SCD5: variants seen among roughly 807,000 people sequenced by gnomAD.
SCD5 encodes acyl-CoA-desaturase 4.
SCD5 carries 20 observed loss-of-function variants against 30.4 expected under a neutral mutation model. The observed-to-expected ratio is 0.66, with a 90% confidence interval of 0.46 to 0.96. SCD5 has a LOEUF of 0.96. Ranked by LOEUF, SCD5 falls within the 40% of genes least tolerant of loss-of-function variation. The pLI is 0.00. For synonymous variants in SCD5, 173 were observed against 176.4 expected (o/e 0.98, Z 0.16); for missense variants, 381 against 443.3 (o/e 0.86, Z 1.26).
At chr4:82,745,638 T>C (rs768554703) in intron 1 of SCD5, among the ~76,000 whole-genome samples, 2 of 152,222 alleles carry the variant, frequency 1.3e-5, no homozygotes, top group Non-Finnish European at 1.5e-5. Context: ...CCATTAGCTA[T>C]TCTTCCCAAT....
intron 4 of SCD5, among the ~76,000 whole-genome samples, chr4:82,636,070 T>C (rs561118150): frequency 1.3e-5 from 2 of 152,304 alleles, no homozygotes; most frequent in East Asian, 3.9e-4. Context: ...TGCCAGGCAC[T>C]GTACTAAGCA....
chr4:82,738,062 A>G (rs1321346934), intron 1 of SCD5, among the ~76,000 whole-genome samples: 4 of 152,234 alleles, frequency 2.6e-5, no homozygotes, highest in Admixed American at 2.6e-4. Context: ...TACTTAATAA[A>G]TGTATTCTGT....
intron 2 of SCD5, among the ~76,000 whole-genome samples, chr4:82,695,071 C>T (rs1719669948): frequency 7.3e-6 from 1 of 136,564 alleles, no homozygotes; most frequent in South Asian, 2.3e-4. Flanking sequence ...ATGTGGAGCA[C>T]TCAGCCTTTA....
At chr4:82,747,691 A>G (rs1164327364) in intron 1 of SCD5, among the ~76,000 whole-genome samples, 2 of 152,212 alleles carry the variant, frequency 1.3e-5, no homozygotes, top group Non-Finnish European at 2.9e-5. Context: ...ATAATTGCAA[A>G]CATTATGGAT....
intron 1 of SCD5, among the ~76,000 whole-genome samples, chr4:82,777,076 A>C (rs1330864034): frequency 6.6e-6 from 1 of 152,248 alleles, no homozygotes; most frequent in Non-Finnish European, 1.5e-5. Context: ...ATGGATGAGG[A>C]GCCGGAGAGC....
intron 1 of SCD5, among the ~76,000 whole-genome samples, chr4:82,773,736 G>A (rs972526782): frequency 1.3e-5 from 2 of 152,098 alleles, no homozygotes; most frequent in Non-Finnish European, 2.9e-5. Context: ...CACATTTCTA[G>A]ACATTGCCAA....
chr4:82,758,998 G>A lies in SCD5; in HGVS notation c.232+39308C>T, dbSNP rs138123171. ...ACTCAAGCCTCCGCCCCAGCGCCCC[G>A]CTGACACCGGCAACTGCTGCGCGGG... On this transcript the variant is annotated intron_variant, in intron 1 of 4. Transcript: ENST00000319540. Among the ~76,000 whole-genome samples, 20 of 152,326 alleles carry A rather than the reference G, an allele frequency of 1.3e-4. No homozygotes were observed. The East Asian group carries it at 2.9e-3, about 22-fold the overall frequency.
rs1158817477 is a variant in SCD5 at position 82,780,865 on chromosome 4, C to T, written c.232+17441G>A. Among the ~76,000 whole-genome samples the T allele has an allele frequency of 4.6e-5, 7 of 152,368 alleles. No homozygotes were observed. The East Asian group carries it at 1.4e-3, about 29-fold the overall frequency. The stretch of plus-strand genomic sequence containing the variant: ...GCTTCTCCGGGGCCTGCTGCTTCCA[C>T]AGCGTCAGGGGAGGTCCGGGCACAG... On this transcript the variant is annotated intron_variant, in intron 1 of 4. Transcript: ENST00000319540.
At chr4:82,770,925 T>G (rs1258846226) in intron 1 of SCD5, among the ~76,000 whole-genome samples, 2 of 152,224 alleles carry the variant, frequency 1.3e-5, no homozygotes, top group Non-Finnish European at 2.9e-5. Flanking sequence ...ATGGCCCCAG[T>G]AGCCCACAGT....
At chr4:82,655,658 C>A (rs1244562523) in intron 3 of SCD5, among the ~76,000 whole-genome samples, 1 of 152,076 alleles carries the variant, frequency 6.6e-6, no homozygotes, top group Non-Finnish European at 1.5e-5. Flanking sequence ...GAATAGTGAT[C>A]AAAGAGGAAG....
intron 3 of SCD5, among the ~76,000 whole-genome samples, chr4:82,670,774 A>G (rs918130053): frequency 1.3e-4 from 20 of 152,120 alleles, no homozygotes; most frequent in Admixed American, 3.3e-4. Flanking sequence ...TATCAATTCC[A>G]TATCAATTGA....
At chr4:82,789,737 T>G (rs1722061240) in intron 1 of SCD5, among the ~76,000 whole-genome samples, 1 of 152,000 alleles carries the variant, frequency 6.6e-6, no homozygotes, top group Admixed American at 6.5e-5. Flanking sequence ...GGCAGCGAGA[T>G]ATGAAGGAGG....
At chr4:82,644,879 T>C (rs993064246) in intron 3 of SCD5, among the ~76,000 whole-genome samples, 7 of 152,210 alleles carry the variant, frequency 4.6e-5, no homozygotes, top group African/African-American at 1.7e-4. Flanking sequence ...CTTCCAATTA[T>C]TGTAAAATGT....
rs1560540649 is a variant in SCD5 at position 82,712,251 on chromosome 4, T to TATATATAC, written c.233-6839_233-6838insGTATATAT. On this transcript the variant is annotated intron_variant, in intron 1 of 4. Coordinates refer to ENST00000319540, the MANE Select transcript of SCD5 (RefSeq NM_001037582.3). ...GGGGAGGGACCAACTAACATATATA[T>TATATATAC]ATATATATATATATATATATATATA... Among the ~76,000 whole-genome samples the TATATATAC allele has an allele frequency of 1.8e-4, 3 of 16,942 alleles. 1 individual carries two copies. Among genetic ancestry groups the TATATATAC allele is most frequent in the Non-Finnish European group, 3.3e-4 (3 of 9,144 alleles). The allele number at this position is 16,942 out of a possible 152,430, so 11.1% of individuals were successfully genotyped here.
At chr4:82,764,195 T>C (rs1317847467) in intron 1 of SCD5, among the ~76,000 whole-genome samples, 1 of 152,178 alleles carries the variant, frequency 6.6e-6, no homozygotes, top group Non-Finnish European at 1.5e-5. Context: ...AAATTAAAAA[T>C]TCAGTTCACG....
chr4:82,695,882 T>C (rs911834976), intron 2 of SCD5, among the ~76,000 whole-genome samples: 2 of 152,226 alleles, frequency 1.3e-5, no homozygotes, highest in African/African-American at 4.8e-5. Flanking sequence ...CTAGCCCATA[T>C]TCAAATTTCT....
At chr4:82,713,617 C>A (rs1319462670) in intron 1 of SCD5, among the ~76,000 whole-genome samples, 1 of 152,134 alleles carries the variant, frequency 6.6e-6, no homozygotes. Flanking sequence ...AACATCATCT[C>A]CAGGAGGGCA....
In SCD5 at chr4:82,795,809, C is replaced by CAAAAAAAA. The variant is rs72115040; in HGVS notation, c.232+2489_232+2496dup. On this transcript the variant is annotated intron_variant, in intron 1 of 4. Transcript: ENST00000319540. ...TGCACTCCAGCAAGACCCTGTCTCA[C>CAAAAAAAA]AAAAAAAAAAAAAAAAAAAAAAAAA... Among the ~76,000 whole-genome samples, 73 of 43,904 alleles carry CAAAAAAAA rather than the reference C, an allele frequency of 1.7e-3. 12 individuals are homozygous for CAAAAAAAA. The highest frequency in any genetic ancestry group is 6.0e-3 in the African/African-American group (68 of 11,420). The allele number at this position is 43,904 out of a possible 152,430, so 28.8% of individuals were successfully genotyped here.
Position 82,705,298 on chromosome 4 carries a change from G to C in SCD5, c.348C>G (p.Asn116Lys), listed in dbSNP as rs1055380339. The C allele has an allele frequency of 6.2e-7, 1 of 1,614,234 alleles. No homozygotes were observed. The highest frequency in any genetic ancestry group is 8.5e-7 in the Non-Finnish European group (1 of 1,180,040). Residue 116 changes from asparagine to lysine, a missense_variant, in exon 2 of 5, where the codon AAC becomes AAG. Coordinates refer to ENST00000319540, the MANE Select transcript of SCD5 (RefSeq NM_001037582.3). The stretch of plus-strand genomic sequence containing the variant: ...CCATCCTCACCTGGAAAGCCATGGA[G>C]TTGGCGACAGCCAGAAATATCCTCA... ...LPLRIFLAVANSMAFQNDIFE... is the reference protein window; with the variant it reads ...LPLRIFLAVAKSMAFQNDIFE...
Sources: allele counts gnomAD v4.1 joint callset (sites outside exome capture counted in the v4.1 genomes callset), GRCh38; gene constraint gnomAD v4.1.1; transcripts MANE v1.5; gene names NCBI Gene and HGNC (gene_info 2026-07-23, HGNC 2026-07-21).